MALRD1: variants seen among roughly 807,000 people sequenced by gnomAD.
MALRD1 encodes MAM and LDL receptor class A domain containing 1.
MALRD1 carries 247 observed loss-of-function variants against 242.1 expected under a neutral mutation model. The ratio of observed to expected loss-of-function variants is 1.02; its 90% CI spans 0.92 to 1.13. The LOEUF (loss-of-function observed/expected upper bound fraction) is 1.13. Among genes scored for constraint, MALRD1 ranks in the 50% most tolerant of loss-of-function variants. MALRD1 has a pLI of 0.00. For synonymous variants in MALRD1, 995 were observed against 866.6 expected (o/e 1.15, Z -2.60); for missense variants, 2,989 against 2,533.1 (o/e 1.18, Z -3.86).
intron 26 of MALRD1, among the ~76,000 whole-genome samples, chr10:19,365,787 T>C (rs997195262): frequency 1.3e-5 from 2 of 151,104 alleles, no homozygotes; most frequent in African/African-American, 4.8e-5. Context: ...TGGTATACAA[T>C]ACGATGAATT....
chr10:19,293,425 T>G (rs1382179375), intron 21 of MALRD1, among the ~76,000 whole-genome samples: 2 of 152,224 alleles, frequency 1.3e-5, no homozygotes, highest in Non-Finnish European at 2.9e-5. Flanking sequence ...CACAAAACAA[T>G]GTCCTTATTT....
At chr10:19,679,021 A>C (rs1319957363) in intron 36 of MALRD1, among the ~76,000 whole-genome samples, 16 of 152,236 alleles carry the variant, frequency 1.1e-4, no homozygotes. Context: ...TGATCATGGT[A>C]GATAAGCTTT....
chr10:19,125,317 CCTTCCTTCTTT>C (rs1564407895), intron 7 of MALRD1, among the ~76,000 whole-genome samples: 7 of 77,910 alleles, frequency 9.0e-5, no homozygotes, highest in African/African-American at 3.9e-4. Context: ...TTCCTTCCTT[CCTTCCTTCTTT>C]CTTTCTTTCT....
intron 18 of MALRD1, among the ~76,000 whole-genome samples, chr10:19,216,477 T>G (rs1284095968): frequency 6.6e-6 from 1 of 152,150 alleles, no homozygotes; most frequent in Non-Finnish European, 1.5e-5. Flanking sequence ...TTCTCCTACT[T>G]TCCTCCCCAC....
chr10:19,370,643 A>C (rs968868819), intron 26 of MALRD1, among the ~76,000 whole-genome samples: 3 of 151,946 alleles, frequency 2.0e-5, no homozygotes, highest in African/African-American at 7.3e-5. Flanking sequence ...AGTGGTGTAA[A>C]CTCAGTTCAC....
At chr10:19,448,271 G>A (rs1015583834) in intron 28 of MALRD1, among the ~76,000 whole-genome samples, 1 of 151,766 alleles carries the variant, frequency 6.6e-6, no homozygotes, top group African/African-American at 2.4e-5. Flanking sequence ...GGAACATTTT[G>A]CTTCCCTTCT....
intron 2 of MALRD1, among the ~76,000 whole-genome samples, chr10:19,078,396 T>C (rs1243108194): frequency 6.6e-6 from 1 of 151,700 alleles, no homozygotes; most frequent in East Asian, 2.0e-4. Context: ...TTTGCATTCC[T>C]AGGATAAATT....
chr10:19,318,480 G>T (rs1432877179), intron 21 of MALRD1, among the ~76,000 whole-genome samples: 1 of 147,742 alleles, frequency 6.8e-6, no homozygotes, highest in Admixed American at 6.7e-5. Flanking sequence ...CTAGAATTCT[G>T]TTGGATTGGG....
At chr10:19,190,704 T>C (rs1401096980) in intron 14 of MALRD1, among the ~76,000 whole-genome samples, 1 of 150,846 alleles carries the variant, frequency 6.6e-6, no homozygotes, top group African/African-American at 2.4e-5. Context: ...ATTCAATTGG[T>C]AAAATCCAGT....
chr10:19,552,337 A>G (rs1198234658), intron 32 of MALRD1, among the ~76,000 whole-genome samples: 2 of 152,080 alleles, frequency 1.3e-5, no homozygotes, highest in Non-Finnish European at 2.9e-5. Flanking sequence ...AGTTTCTTCT[A>G]GATTTCCTAG....
intron 28 of MALRD1, among the ~76,000 whole-genome samples, chr10:19,413,011 A>G (rs1283054479): frequency 1.3e-5 from 2 of 152,190 alleles, no homozygotes. Context: ...TAAAAATTGA[A>G]TCTCTTTATG....
intron 36 of MALRD1, among the ~76,000 whole-genome samples, chr10:19,652,112 C>A (rs552447340): frequency 1.3e-5 from 2 of 152,248 alleles, no homozygotes; most frequent in East Asian, 3.9e-4. Flanking sequence ...TCACTGGATC[C>A]AAATTCAAAG....
chr10:19,265,157 A>G (rs192423727), intron 19 of MALRD1, among the ~76,000 whole-genome samples: 7 of 151,990 alleles, frequency 4.6e-5, no homozygotes, highest in Admixed American at 4.6e-4. Context: ...TGTTAATTTT[A>G]TCTTTTCAAA....
intron 36 of MALRD1, among the ~76,000 whole-genome samples, chr10:19,683,260 C>G (rs1366867841): frequency 1.3e-5 from 2 of 152,160 alleles, no homozygotes; most frequent in African/African-American, 4.8e-5. Context: ...CGGAGCCTGC[C>G]TTTGTTAGAT....
chr10:19,428,963 C>G (rs1488865138), intron 28 of MALRD1, among the ~76,000 whole-genome samples: 1 of 152,100 alleles, frequency 6.6e-6, no homozygotes, highest in Non-Finnish European at 1.5e-5. Flanking sequence ...TGAATTTATT[C>G]CATTGAACAT....
chr10:19,541,356 A>G (rs1326119992), intron 32 of MALRD1, among the ~76,000 whole-genome samples: 1 of 152,200 alleles, frequency 6.6e-6, no homozygotes, highest in South Asian at 2.1e-4. Flanking sequence ...GTTTTTAAGC[A>G]TATTTAACAA....
chr10:19,703,815 A>G (rs1238590047), intron 38 of MALRD1, among the ~76,000 whole-genome samples: 1 of 152,206 alleles, frequency 6.6e-6, no homozygotes. Flanking sequence ...GAACCACTTG[A>G]ACCCAGGAAG....
intron 26 of MALRD1, among the ~76,000 whole-genome samples, chr10:19,366,690 G>A (rs1845126068): frequency 6.6e-6 from 1 of 152,082 alleles, no homozygotes; most frequent in Non-Finnish European, 1.5e-5. Context: ...ATATGGGTTG[G>A]TTCAAACCAT....
intron 14 of MALRD1, among the ~76,000 whole-genome samples, chr10:19,182,521 G>T (rs1835555170): frequency 6.6e-6 from 1 of 151,188 alleles, no homozygotes; most frequent in South Asian, 2.1e-4. Flanking sequence ...TAGTAGAGAC[G>T]GGGTTTCACC....
Sources: gnomAD v4.1 joint callset for allele counts (sites outside exome capture counted in the v4.1 genomes callset) on GRCh38, gnomAD v4.1.1 for gene constraint, MANE v1.5 for transcripts, NCBI Gene and HGNC (gene_info 2026-07-23, HGNC 2026-07-21) for gene names.